Variants in FNDC3B observed in about 807,000 individuals in gnomAD.
FNDC3B encodes fibronectin type III domain-containing protein 3B.
FNDC3B carries 12 observed loss-of-function variants against 151.5 expected under a neutral mutation model. The observed-to-expected ratio is 0.08, with a 90% confidence interval of 0.05 to 0.13. FNDC3B has a LOEUF of 0.13. Among genes scored for constraint, FNDC3B ranks in the 10% least tolerant of loss-of-function variants. FNDC3B has a pLI of 1.00. For synonymous variants in FNDC3B, 528 were observed against 549.0 expected (o/e 0.96, Z 0.54); for missense variants, 1,214 against 1,505.3 (o/e 0.81, Z 3.20).
intron 6 of FNDC3B, among the ~76,000 whole-genome samples, chr3:172,267,046 G>T (rs1052967617): frequency 6.6e-6 from 1 of 152,132 alleles, no homozygotes; most frequent in African/African-American, 2.4e-5. Context: ...TTCATCCAAA[G>T]GTACAATAGC....
At chr3:172,277,840 A>G (rs979949029) in intron 6 of FNDC3B, among the ~76,000 whole-genome samples, 25 of 151,948 alleles carry the variant, frequency 1.6e-4, no homozygotes, top group African/African-American at 5.8e-4. Context: ...TTATATACCC[A>G]CTTTCTTTAC....
intron 1 of FNDC3B, among the ~76,000 whole-genome samples, chr3:172,094,226 C>G (rs112262422): frequency 6.7e-6 from 1 of 150,100 alleles, no homozygotes; most frequent in Non-Finnish European, 1.5e-5. Flanking sequence ...TCTAGAACAT[C>G]GGCATTGTGT....
intron 3 of FNDC3B, among the ~76,000 whole-genome samples, chr3:172,181,404 A>AAAC (rs1553769908): frequency 5.5e-5 from 8 of 145,924 alleles, no homozygotes; most frequent in East Asian, 2.0e-4. Flanking sequence ...CCAAAAAAAA[A>AAAC]AAAAAAAAAA....
At chr3:172,289,523 T>G (rs1378151883) in intron 7 of FNDC3B, among the ~76,000 whole-genome samples, 1 of 152,234 alleles carries the variant, frequency 6.6e-6, no homozygotes, top group Non-Finnish European at 1.5e-5. Flanking sequence ...GTCCACTGTT[T>G]CTTTCCAGCC....
chr3:172,096,727 G>A (rs1438953682), intron 1 of FNDC3B, among the ~76,000 whole-genome samples: 1 of 152,084 alleles, frequency 6.6e-6, no homozygotes, highest in Non-Finnish European at 1.5e-5. Flanking sequence ...TTTTAACAGT[G>A]GCTATTTTTG....
At chr3:172,337,151 C>G (rs569243062) in intron 15 of FNDC3B, among the ~76,000 whole-genome samples, 179 bp from the exon 16 acceptor site, 1 of 150,544 alleles carries the variant, frequency 6.6e-6, no homozygotes, top group South Asian at 2.1e-4. Context: ...TTCAGAGATT[C>G]CTGGTTTGTT....
intron 3 of FNDC3B, among the ~76,000 whole-genome samples, chr3:172,207,741 A>G (rs1167432971): frequency 6.6e-6 from 1 of 152,204 alleles, no homozygotes; most frequent in African/African-American, 2.4e-5. Flanking sequence ...TGAGGTCAGG[A>G]GTTCAAAACC....
chr3:172,251,474 T>C lies in FNDC3B; in HGVS notation c.723T>C (p.Gly241=), dbSNP rs759748732. The C allele has an allele frequency of 2.4e-5, 39 of 1,613,654 alleles. No homozygotes were observed. Among genetic ancestry groups the C allele is most frequent in the Non-Finnish European group, 3.1e-5 (36 of 1,179,920 alleles). ...GTGGCGGAGGCGGCAGCGGTAGTGG[T>C]CCCGGAATTAAGAAAACAGAGCGAC... is the stretch of plus-strand genomic sequence containing the variant. ...GGSGGGGSGS[G]PGIKKTERRA... Residue 241 remains glycine, a synonymous_variant, in exon 6 of 26, where the codon GGT becomes GGC. Transcript: ENST00000415807.
At chr3:172,161,644 C>T (rs1247973377) in intron 3 of FNDC3B, among the ~76,000 whole-genome samples, 2 of 152,196 alleles carry the variant, frequency 1.3e-5, no homozygotes, top group Non-Finnish European at 2.9e-5. Context: ...ATGTCTGACA[C>T]TGTTGTGCCT....
chr3:172,084,178 G>A (rs184837768), intron 1 of FNDC3B, among the ~76,000 whole-genome samples: 49 of 152,212 alleles, frequency 3.2e-4, no homozygotes, highest in South Asian at 1.7e-3. Context: ...GCTGGGTGCC[G>A]TGGCTCACGT....
At chr3:172,181,415 C>CAAAAAAAAAAAAAAAAAAAAAAAAAAAA in intron 3 of FNDC3B, among the ~76,000 whole-genome samples, 1 of 101,128 alleles carries the variant, frequency 9.9e-6, no homozygotes, top group African/African-American at 4.1e-5. Flanking sequence ...AAAAAAAAAA[C>CAAAAAAAAAAAAAAAAAAAAAAAAAAAA]AAAAAAAAAC....
chr3:172,397,433 C>T lies in FNDC3B; in HGVS notation c.3573C>T (p.Ser1191=). The T allele has an allele frequency of 6.2e-7, 1 of 1,612,644 alleles. No homozygotes were observed. The stretch of plus-strand genomic sequence containing the variant: ...TTGTGCTTGGCTTTGCAACTTTGTC[C>T]ATTTTATTTGCCTTTATATTACAGT... The part of the protein sequence containing the change: ...AIIVLGFATL[S]ILFAFILQYF... Residue 1191 remains serine, a synonymous_variant, in exon 26 of 26, where the codon TCC becomes TCT. Transcript: ENST00000415807.
At chr3:172,194,840 A>G (rs1052950885) in intron 3 of FNDC3B, among the ~76,000 whole-genome samples, 2 of 152,188 alleles carry the variant, frequency 1.3e-5, no homozygotes, top group Non-Finnish European at 2.9e-5. Flanking sequence ...ACCTAATTCT[A>G]ATACCATGGT....
At chr3:172,176,780 A>C (rs1034819391) in intron 3 of FNDC3B, among the ~76,000 whole-genome samples, 1 of 152,198 alleles carries the variant, frequency 6.6e-6, no homozygotes, top group African/African-American at 2.4e-5. Context: ...TATTTGTTGA[A>C]TGAAGCACAG....
chr3:172,336,908 GA>G (rs796333616), intron 15 of FNDC3B, among the ~76,000 whole-genome samples: 3,388 of 120,056 alleles, frequency 0.028, 143 homozygotes, highest in African/African-American at 0.096. Context: ...ATCTCAGACG[GA>G]AAAAAAAAAA....
intron 1 of FNDC3B, among the ~76,000 whole-genome samples, chr3:172,071,314 A>T (rs1717763718): frequency 6.6e-6 from 1 of 152,170 alleles, no homozygotes; most frequent in Non-Finnish European, 1.5e-5. Context: ...ATTGAGTTGG[A>T]TATAACTTTA....
chr3:172,243,364 C>A (rs1186009267), intron 4 of FNDC3B, among the ~76,000 whole-genome samples: 1 of 152,100 alleles, frequency 6.6e-6, no homozygotes, highest in Non-Finnish European at 1.5e-5. Context: ...TGAGACTGGG[C>A]AATTTACAAA....
At chr3:172,285,890 G>A (rs371941656) in intron 6 of FNDC3B, 36 bp from the exon 7 acceptor site, 6 of 1,545,508 alleles carry the variant, frequency 3.9e-6, no homozygotes, top group Middle Eastern at 1.7e-4. Flanking sequence ...GCCTTCTAAT[G>A]GTATTGTTTT....
intron 3 of FNDC3B, among the ~76,000 whole-genome samples, chr3:172,163,223 G>T (rs951428179): frequency 6.6e-6 from 1 of 151,694 alleles, no homozygotes; most frequent in African/African-American, 2.4e-5. Context: ...GTGAGTTATG[G>T]TCGTGCCACT....
Sources: allele counts gnomAD v4.1 joint callset (sites outside exome capture counted in the v4.1 genomes callset), GRCh38; gene constraint gnomAD v4.1.1; transcripts MANE v1.5; gene names NCBI Gene and HGNC (gene_info 2026-07-23, HGNC 2026-07-21).